Variants in PDE1A observed in about 807,000 individuals in gnomAD.
PDE1A encodes the protein phosphodiesterase 1A, also known as dual specificity calcium/calmodulin-dependent 3',5'-cyclic nucleotide phosphodiesterase 1A.
Under a neutral mutation model 61.7 loss-of-function variants are expected in PDE1A, and 35 were observed. That is an observed-to-expected ratio of 0.57 (90% CI 0.43 to 0.75). The LOEUF is 0.75. Ranked by LOEUF, PDE1A falls within the 30% of genes least tolerant of loss-of-function variation. The pLI, the probability that PDE1A is intolerant of heterozygous loss-of-function variation, is 0.00. For synonymous variants in PDE1A, 232 were observed against 213.2 expected, an observed-to-expected ratio of 1.09 and a Z score of -0.77; for missense variants, 597 against 630.6, an observed-to-expected ratio of 0.95 and a Z score of 0.57.
chr2:182,434,871 T>C (rs998695771), intron 2 of PDE1A, among the ~76,000 whole-genome samples: 3 of 152,084 alleles, frequency 2.0e-5, no homozygotes, highest in African/African-American at 7.2e-5. Flanking sequence ...CAAGAATTAT[T>C]ATTTTCTTAG....
intron 1 of PDE1A, among the ~76,000 whole-genome samples, chr2:182,322,523 C>T (rs578009012): frequency 1.9e-4 from 29 of 152,296 alleles, no homozygotes; most frequent in Admixed American, 1.4e-3. Flanking sequence ...TTTACCTCTG[C>T]CAAGCCATGT....
In PDE1A at chr2:182,201,650, C is replaced by CAAAAA. The variant is rs56413404; in HGVS notation, c.1004+33_1004+37dup. ...CCAAGCCCCTGGAACTTTAACATGA[C>CAAAAA]AAAAAAAAAAAAACAACAAAAAAAA... On this transcript the variant is annotated intron_variant, in intron 9 of 13. Coordinates refer to ENST00000351439, the Ensembl canonical transcript of PDE1A. 144,420 of 1,238,184 alleles carry CAAAAA rather than the reference C, an allele frequency of 0.12. 4,135 individuals are homozygous for CAAAAA. Among genetic ancestry groups the CAAAAA allele is most frequent in the African/African-American group, 0.14 (8,600 of 61,702 alleles). 76.7% of individuals were successfully genotyped at this position (1,238,184 alleles called of 1,614,324 possible).
intron 1 of PDE1A, among the ~76,000 whole-genome samples, chr2:182,309,354 A>T (rs1417197309): frequency 1.3e-5 from 2 of 152,138 alleles, no homozygotes; most frequent in African/African-American, 4.8e-5. Flanking sequence ...TTCTACAATC[A>T]TGGGTAATCA....
chr2:182,508,288 C>T (rs112471550), intron 2 of PDE1A, among the ~76,000 whole-genome samples: 10,251 of 151,376 alleles, frequency 0.068, 372 homozygotes, highest in Middle Eastern at 0.099. Flanking sequence ...TTATAATCAA[C>T]GGTGAAAAGC....
chr2:182,612,537 G>GA, the PDE1A span, among the ~76,000 whole-genome samples: 13 of 151,716 alleles, frequency 8.6e-5, no homozygotes, highest in South Asian at 2.1e-4. Flanking sequence ...ATGAAAACAG[G>GA]AAAAAAAATG....
At chr2:182,153,556 C>A (rs1211770367) in intron 13 of PDE1A, among the ~76,000 whole-genome samples, 8 of 152,240 alleles carry the variant, frequency 5.3e-5, no homozygotes. Context: ...GACTGAATCG[C>A]AGATCTTCTT....
At chr2:182,266,516 G>A (rs1183087812) in intron 1 of PDE1A, among the ~76,000 whole-genome samples, 1 of 152,106 alleles carries the variant, frequency 6.6e-6, no homozygotes, top group Non-Finnish European at 1.5e-5. Flanking sequence ...GTAATATAAG[G>A]TGGCTTAAAA....
intron 1 of PDE1A, among the ~76,000 whole-genome samples, chr2:182,327,115 C>T (rs865881981): frequency 1.3e-5 from 2 of 152,132 alleles, no homozygotes; most frequent in Admixed American, 6.6e-5. Context: ...GTATATAAAA[C>T]AAAGTTCCTG....
chr2:182,523,677 G>A (rs1363717350), upstream of PDE1A, among the ~76,000 whole-genome samples: 1 of 152,146 alleles, frequency 6.6e-6, no homozygotes, highest in Non-Finnish European at 1.5e-5. Context: ...TTCAGACAAT[G>A]TTCTCAGTAC....
At position 182,288,185 on chromosome 2, in the gene PDE1A, T is replaced by C. The variant is rs138364365; in HGVS notation, c.54-23771A>G. On this transcript the variant is annotated intron_variant, in intron 1 of 13. Coordinates refer to ENST00000351439, the Ensembl canonical transcript of PDE1A. ...TAGAATGTTTGTAGTAATAAAATCA[T>C]AGCAGTTAATAGTTGCTGAGAACTT... 6.1e-3 allele frequency among the ~76,000 whole-genome samples: 927 copies of C among 152,278 alleles called. 11 individuals are homozygous for C. The highest frequency in any genetic ancestry group is 0.021 in the African/African-American group (871 of 41,576).
chr2:182,493,209 G>A lies in PDE1A; in HGVS notation c.101+29067C>T, dbSNP rs79920586. Among the ~76,000 whole-genome samples, 646 of 145,784 alleles carry A rather than the reference G, an allele frequency of 4.4e-3. 2 individuals carry two copies. The highest frequency in any genetic ancestry group is 0.015 in the African/African-American group (608 of 39,378). ...CCCCTTAACTGCATAAATTTTAATC[G>A]GCAAGAGGACTTTCTCGACTAACTT... On this transcript the variant is annotated intron_variant, in intron 2 of 14. Transcript: ENST00000410103.
the PDE1A span, among the ~76,000 whole-genome samples, chr2:182,529,130 G>A: frequency 6.6e-6 from 1 of 152,200 alleles, no homozygotes. Context: ...CTTGCACCGT[G>A]CACGTGGATA....
intron 1 of PDE1A, among the ~76,000 whole-genome samples, chr2:182,302,774 G>A (rs895850376): frequency 6.6e-6 from 1 of 152,026 alleles, no homozygotes; most frequent in Admixed American, 6.6e-5. Flanking sequence ...CTCAAACCCT[G>A]CCACTGATTT....
intron 2 of PDE1A, among the ~76,000 whole-genome samples, chr2:182,500,819 T>C (rs1433944637): frequency 1.3e-5 from 2 of 152,218 alleles, no homozygotes; most frequent in Non-Finnish European, 2.9e-5. Context: ...CAGCAAATTC[T>C]ATATATAATG....
intron 1 of PDE1A, among the ~76,000 whole-genome samples, chr2:182,360,152 A>G (rs1699416819): frequency 6.6e-6 from 1 of 152,126 alleles, no homozygotes; most frequent in Non-Finnish European, 1.5e-5. Context: ...AACATTTAAC[A>G]TAGATACGAC....
intron 1 of PDE1A, among the ~76,000 whole-genome samples, chr2:182,278,693 A>T (rs768744351): frequency 6.6e-6 from 1 of 151,994 alleles, no homozygotes; most frequent in Admixed American, 6.6e-5. Flanking sequence ...CAAATGTAAG[A>T]GGGGCCTCAG....
the PDE1A span, among the ~76,000 whole-genome samples, chr2:182,671,272 C>T: frequency 1.8e-5 from 2 of 111,488 alleles, no homozygotes; most frequent in East Asian, 2.7e-4. Flanking sequence ...CCAGGGTTCA[C>T]GCCATTCTCC....
intron 1 of PDE1A, among the ~76,000 whole-genome samples, chr2:182,371,806 G>T (rs1158721705): frequency 1.3e-5 from 2 of 151,798 alleles, no homozygotes; most frequent in African/African-American, 4.9e-5. Context: ...TTTATTTAGA[G>T]ACAGGGTCTC....
At chr2:182,683,852 G>A in the PDE1A span, among the ~76,000 whole-genome samples, 1 of 152,164 alleles carries the variant, frequency 6.6e-6, no homozygotes, top group East Asian at 1.9e-4. Context: ...GGGAGCGGGG[G>A]CTCACGTCTG....
Sources: allele counts gnomAD v4.1 joint callset (sites outside exome capture counted in the v4.1 genomes callset), GRCh38; gene constraint gnomAD v4.1.1; transcripts MANE v1.5; gene names NCBI Gene and HGNC (gene_info 2026-07-23, HGNC 2026-07-21).